The following EPHA6 variants were observed in gnomAD, a reference collection of about 807,000 sequenced individuals.
EPHA6 encodes the protein ephrin type-A receptor 6.
A neutral mutation model predicts 112.0 loss-of-function variants in EPHA6; 50 were observed. The observed-to-expected ratio is 0.45, with a 90% CI of 0.36 to 0.56. The LOEUF is 0.56. Ranked by LOEUF, EPHA6 falls within the 20% of genes least tolerant of loss-of-function variation. The probability of loss-of-function intolerance (pLI) is 0.00; values close to 1 mark genes in which losing one functional copy is unlikely to be tolerated. For synonymous variants in EPHA6, 529 were observed against 490.7 expected, an observed-to-expected ratio of 1.08 and a Z score of -1.03; for missense variants, 1,280 against 1,417.4, an observed-to-expected ratio of 0.90 and a Z score of 1.56.
At chr3:97,157,161 G>A (rs1028359112) in intron 3 of EPHA6, among the ~76,000 whole-genome samples, 2 of 151,776 alleles carry the variant, frequency 1.3e-5, no homozygotes, top group Non-Finnish European at 2.9e-5. Flanking sequence ...TTCAATCTTA[G>A]TAAGTTTAAC....
In EPHA6 at chr3:96,912,066, G is replaced by C. The variant is rs577631129; in HGVS notation, c.450+45177G>C. Among the ~76,000 whole-genome samples, 4 of 152,044 alleles carry C rather than the reference G, an allele frequency of 2.6e-5. No individual in the cohort carries two copies. The South Asian group carries it at 8.3e-4, about 31-fold the overall frequency. The stretch of plus-strand genomic sequence containing the variant: ...TGGGGCATAAATAAATGAAATACAC[G>C]TAAAGAGAAAAAAGACAAGATTCAC... On this transcript the variant is annotated intron_variant, in intron 2 of 17. Coordinates refer to ENST00000389672, the MANE Select transcript of EPHA6 (RefSeq NM_001080448.3).
intron 3 of EPHA6, among the ~76,000 whole-genome samples, chr3:97,151,219 T>C (rs1476956772): frequency 6.6e-6 from 1 of 152,152 alleles, no homozygotes; most frequent in Non-Finnish European, 1.5e-5. Flanking sequence ...AGTCTATGCA[T>C]TATAGCTTCA....
At chr3:97,678,977 A>G (rs2031635860) in intron 14 of EPHA6, among the ~76,000 whole-genome samples, 1 of 152,098 alleles carries the variant, frequency 6.6e-6, no homozygotes, top group Non-Finnish European at 1.5e-5. Context: ...ACCCATCTCT[A>G]TTTATTGTGA....
At chr3:97,664,165 C>T (rs2094189775) in intron 14 of EPHA6, among the ~76,000 whole-genome samples, 2 of 152,120 alleles carry the variant, frequency 1.3e-5, no homozygotes, top group African/African-American at 2.4e-5. Flanking sequence ...ATCCTTTGCC[C>T]ACTTTTTGAT....
At chr3:97,294,133 G>A (rs892214342) in intron 5 of EPHA6, among the ~76,000 whole-genome samples, 5 of 152,240 alleles carry the variant, frequency 3.3e-5, no homozygotes, top group African/African-American at 4.8e-5. Flanking sequence ...GGATGCCCAG[G>A]TCTGGAGCCA....
In EPHA6 at chr3:97,610,181, A is replaced by T. The variant is rs539126702; in HGVS notation, c.2513-612A>T. ...CATCATTGCTCTGTTGATTAAATCT[A>T]TGTCCAATGAAGACATAATCAGGAA... On this transcript the variant is annotated intron_variant, in intron 12 of 17. Coordinates refer to ENST00000389672, the MANE Select transcript of EPHA6 (RefSeq NM_001080448.3). 2.4e-4 allele frequency among the ~76,000 whole-genome samples: 36 copies of T among 151,708 alleles called. No individual in the cohort carries two copies. The South Asian group carries it at 5.6e-3, about 24-fold the overall frequency.
At chr3:97,589,585 A>C (rs1417397119) in intron 11 of EPHA6, among the ~76,000 whole-genome samples, 3 of 152,174 alleles carry the variant, frequency 2.0e-5, no homozygotes, top group African/African-American at 7.2e-5. Context: ...TCCACTCACT[A>C]AATACTAGGA....
intron 2 of EPHA6, among the ~76,000 whole-genome samples, chr3:96,905,807 A>G (rs2038902518): frequency 2.6e-5 from 4 of 152,120 alleles, no homozygotes; most frequent in Admixed American, 2.6e-4. Flanking sequence ...TTTTAACTAT[A>G]GTAAACTTGT....
chr3:97,191,192 T>C (rs1044473527), intron 3 of EPHA6, among the ~76,000 whole-genome samples: 28 of 152,080 alleles, frequency 1.8e-4, no homozygotes, highest in Non-Finnish European at 2.9e-5. Flanking sequence ...TTTTCATGGG[T>C]ACATAGTAGG....
intron 14 of EPHA6, among the ~76,000 whole-genome samples, chr3:97,718,938 C>T (rs1004856929): frequency 2.6e-5 from 4 of 152,064 alleles, no homozygotes; most frequent in Non-Finnish European, 4.4e-5. Context: ...CTTATAAAAT[C>T]AAGGGAGTGG....
chr3:97,413,376 T>G (rs2087872685), intron 6 of EPHA6, among the ~76,000 whole-genome samples: 1 of 151,424 alleles, frequency 6.6e-6, no homozygotes, highest in Non-Finnish European at 1.5e-5. Flanking sequence ...ACTTAAGTAT[T>G]TACAGGGGAA....
At position 97,005,128 on chromosome 3, in the gene EPHA6, A is replaced by T. The variant is rs2043827503; in HGVS notation, c.1114+17135A>T. Among the ~76,000 whole-genome samples, 3 of 152,160 alleles carry T rather than the reference A, an allele frequency of 2.0e-5. No homozygotes were observed. The South Asian group carries it at 6.2e-4, about 32-fold the overall frequency. ...TTTGATTCCATATGAAATTTAAAAT[A>T]GCTTTTTTTTCTAATTTTGTGAAGA... On this transcript the variant is annotated intron_variant, in intron 3 of 17. Transcript: ENST00000389672.
intron 14 of EPHA6, among the ~76,000 whole-genome samples, chr3:97,698,221 G>A (rs2033160929): frequency 6.6e-6 from 1 of 152,104 alleles, no homozygotes; most frequent in Non-Finnish European, 1.5e-5. Context: ...AGGCTGGTCT[G>A]GAACTCCTGA....
chr3:97,540,078 G>A (rs952963075), intron 11 of EPHA6, among the ~76,000 whole-genome samples: 2 of 152,170 alleles, frequency 1.3e-5, no homozygotes, highest in African/African-American at 4.8e-5. Flanking sequence ...AGCAAGAGAA[G>A]AAATGGTAAT....
chr3:97,269,112 C>G (rs557405667), intron 5 of EPHA6, among the ~76,000 whole-genome samples: 2 of 152,106 alleles, frequency 1.3e-5, no homozygotes, highest in Non-Finnish European at 2.9e-5. Flanking sequence ...GGGGAGCCAC[C>G]ACTCCCTATT....
intron 5 of EPHA6, among the ~76,000 whole-genome samples, chr3:97,279,575 A>T (rs533583073): frequency 1.3e-5 from 2 of 152,150 alleles, no homozygotes; most frequent in Non-Finnish European, 2.9e-5. Context: ...GTGAAAGAGC[A>T]TTTTATAAGA....
intron 7 of EPHA6, among the ~76,000 whole-genome samples, chr3:97,461,572 C>T (rs933807776): frequency 6.6e-6 from 1 of 152,090 alleles, no homozygotes. Context: ...ATCTTAAATT[C>T]CATTCTAACA....
chr3:97,557,411 C>A (rs578166400), intron 11 of EPHA6, among the ~76,000 whole-genome samples: 2 of 151,870 alleles, frequency 1.3e-5, no homozygotes, highest in South Asian at 2.1e-4. Flanking sequence ...CTGACAATTG[C>A]CTGCTTGTGT....
At chr3:97,149,644 T>A (rs191683660) in intron 3 of EPHA6, among the ~76,000 whole-genome samples, 154 of 151,920 alleles carry the variant, frequency 1.0e-3, no homozygotes, top group Admixed American at 4.4e-3. Flanking sequence ...AACTCAAAAA[T>A]TGCATGTGAA....
Sources: allele counts gnomAD v4.1 joint callset (sites outside exome capture counted in the v4.1 genomes callset), GRCh38; gene constraint gnomAD v4.1.1; transcripts MANE v1.5; gene names NCBI Gene and HGNC (gene_info 2026-07-23, HGNC 2026-07-21).